The following ELAVL2 variants were observed in gnomAD, a reference collection of about 807,000 sequenced individuals.
ELAVL2 encodes ELAV like RNA binding protein 2.
A neutral mutation model predicts 34.6 loss-of-function variants in ELAVL2; 4 were observed. The observed-to-expected ratio is 0.12, with a 90% CI of 0.06 to 0.26. The LOEUF (loss-of-function observed/expected upper bound fraction) is 0.26. Ranked by LOEUF, ELAVL2 falls within the 10% of genes least tolerant of loss-of-function variation. The pLI, the probability that ELAVL2 is intolerant of heterozygous loss-of-function variation, is 1.00. For synonymous variants in ELAVL2, 193 were observed against 154.8 expected (o/e 1.25, Z -1.83); for missense variants, 432 against 442.8 (o/e 0.98, Z 0.22).
In ELAVL2 at chr9:23,710,534, T is replaced by C. The variant is rs546329644; in HGVS notation, c.334-5463A>G. Among the ~76,000 whole-genome samples, 253 of 152,294 alleles carry C rather than the reference T, an allele frequency of 1.7e-3. 1 individual carries two copies. Among genetic ancestry groups the C allele is most frequent in the African/African-American group, 6.0e-3 (248 of 41,556 alleles). ...TTCCCTCTTTTTTAAACTAAAAACA[T>C]TTGAGAAGTCACCCACTGCTAAGAT... is the stretch of plus-strand genomic sequence containing the variant. On this transcript the variant is annotated intron_variant, in intron 3 of 6. Transcript: ENST00000397312.
intron 1 of ELAVL2, among the ~76,000 whole-genome samples, chr9:23,788,638 G>T (rs1225356911): frequency 1.3e-5 from 2 of 152,176 alleles, no homozygotes; most frequent in Non-Finnish European, 2.9e-5. Flanking sequence ...TTTACTTAAA[G>T]GGAACATGGA....
At position 23,692,028 on chromosome 9, in the gene ELAVL2, T is replaced by A. The variant is rs2033325264; in HGVS notation, c.*529A>T. ...GCCCCCCCTTCCCCAACCCAAATCA[T>A]AATTACAAAATAAATACTGTTTTAA... On this transcript the variant is annotated 3_prime_UTR_variant, in exon 7 of 7. Transcript: ENST00000397312. The A allele has an allele frequency of 6.5e-6, 1 of 152,992 alleles. No individual in the cohort carries two copies. The highest frequency in any genetic ancestry group is 6.5e-5 in the Admixed American group (1 of 15,318). 9.5% of individuals were successfully genotyped at this position (152,992 alleles called of 1,614,324 possible).
intron 1 of ELAVL2, among the ~76,000 whole-genome samples, chr9:23,795,824 T>A (rs1254648118): frequency 2.0e-5 from 3 of 152,228 alleles, no homozygotes; most frequent in Non-Finnish European, 4.4e-5. Context: ...AAGTTGATTT[T>A]ATTGCTATTT....
At chr9:23,739,983 G>A (rs995773059) in intron 2 of ELAVL2, among the ~76,000 whole-genome samples, 63 of 152,084 alleles carry the variant, frequency 4.1e-4, no homozygotes, top group African/African-American at 1.3e-3. Flanking sequence ...TGTCAAGAAC[G>A]GGAAACTATA....
intron 2 of ELAVL2, among the ~76,000 whole-genome samples, chr9:23,759,784 ATATAT>A (rs1564325005): frequency 0.012 from 1,532 of 132,312 alleles, 28 homozygotes; most frequent in South Asian, 0.044. Flanking sequence ...ATATATATAT[ATATAT>A]AATGTATAGA....
chr9:23,845,093 C>T, the ELAVL2 span, among the ~76,000 whole-genome samples: 1 of 151,670 alleles, frequency 6.6e-6, no homozygotes, highest in South Asian at 2.1e-4. Flanking sequence ...CTAAAATACT[C>T]CTGGATTTTT....
At chr9:23,720,899 G>T (rs2043522725) in intron 3 of ELAVL2, among the ~76,000 whole-genome samples, 1 of 152,134 alleles carries the variant, frequency 6.6e-6, no homozygotes. Flanking sequence ...ATCAGATTCA[G>T]TAAGTCCTGG....
At chr9:23,702,932 T>C (rs1387733435) in intron 4 of ELAVL2, among the ~76,000 whole-genome samples, 1 of 75,028 alleles carries the variant, frequency 1.3e-5, no homozygotes, top group East Asian at 4.6e-4. Context: ...GCTGTTCCAT[T>C]AGAAAAGCAT....
chr9:23,694,370 T>C (rs1316896471), intron 5 of ELAVL2, among the ~76,000 whole-genome samples: 1 of 152,048 alleles, frequency 6.6e-6, no homozygotes, highest in Non-Finnish European at 1.5e-5. Context: ...AGCATTTGAC[T>C]CTTCTTTATC....
intron 3 of ELAVL2, among the ~76,000 whole-genome samples, chr9:23,720,011 G>A (rs1011850977): frequency 6.6e-6 from 1 of 151,750 alleles, no homozygotes; most frequent in South Asian, 2.1e-4. Flanking sequence ...ATTTTAAGTA[G>A]AGACGTGGTT....
the ELAVL2 span, among the ~76,000 whole-genome samples, chr9:23,848,994 C>T: frequency 6.6e-6 from 1 of 152,082 alleles, no homozygotes; most frequent in Non-Finnish European, 1.5e-5. Flanking sequence ...ACTATTAATC[C>T]TTTTTTTAAA....
chr9:23,774,860 C>T (rs2057942289), intron 1 of ELAVL2, among the ~76,000 whole-genome samples: 1 of 141,258 alleles, frequency 7.1e-6, no homozygotes, highest in Non-Finnish European at 1.5e-5. Flanking sequence ...CACGATTATA[C>T]CCTAGAATCT....
At chr9:23,740,356 C>G (rs890635161) in intron 2 of ELAVL2, among the ~76,000 whole-genome samples, 1 of 152,056 alleles carries the variant, frequency 6.6e-6, no homozygotes. Context: ...TTCAAAGATG[C>G]TAAGTTAACT....
At chr9:23,742,991 A>G (rs1459618193) in intron 2 of ELAVL2, among the ~76,000 whole-genome samples, 1 of 152,152 alleles carries the variant, frequency 6.6e-6, no homozygotes, top group East Asian at 1.9e-4. Context: ...CTATTTAAAT[A>G]CTACAGACAC....
chr9:23,789,980 A>T (rs1439711890), intron 1 of ELAVL2, among the ~76,000 whole-genome samples: 1 of 152,144 alleles, frequency 6.6e-6, no homozygotes, highest in Non-Finnish European at 1.5e-5. Context: ...TTAATTTCTA[A>T]TGCCTGAAAC....
At chr9:23,838,769 C>T in the ELAVL2 span, among the ~76,000 whole-genome samples, 1 of 152,036 alleles carries the variant, frequency 6.6e-6, no homozygotes, top group African/African-American at 2.4e-5. Flanking sequence ...GCCAGCAAAA[C>T]CCTTAAAGTG....
At chr9:23,716,692 G>C (rs1317842624) in intron 3 of ELAVL2, among the ~76,000 whole-genome samples, 1 of 152,108 alleles carries the variant, frequency 6.6e-6, no homozygotes, top group Non-Finnish European at 1.5e-5. Flanking sequence ...CCACCAAATA[G>C]ATGAGAAAGG....
chr9:23,846,756 A>G, the ELAVL2 span, among the ~76,000 whole-genome samples: 1 of 152,094 alleles, frequency 6.6e-6, no homozygotes, highest in Non-Finnish European at 1.5e-5. Flanking sequence ...TATTTCAGTG[A>G]AACTTTTTTC....
the ELAVL2 span, among the ~76,000 whole-genome samples, chr9:23,850,304 A>C: frequency 7.1e-6 from 1 of 140,524 alleles, no homozygotes; most frequent in Non-Finnish European, 1.5e-5. Context: ...GCTCAACTGC[A>C]GGAGAGGAAA....
Sources: gnomAD v4.1 joint callset for allele counts (sites outside exome capture counted in the v4.1 genomes callset) on GRCh38, gnomAD v4.1.1 for gene constraint, MANE v1.5 for transcripts, NCBI Gene and HGNC (gene_info 2026-07-23, HGNC 2026-07-21) for gene names.